The following PALM2AKAP2 variants were observed in gnomAD, a reference collection of about 807,000 sequenced individuals.
PALM2AKAP2 encodes the protein PALM2 and AKAP2 fusion, also known as PALM2-AKAP2 fusion protein.
In PALM2AKAP2, 37 loss-of-function variants were observed where a neutral mutation model predicts 71.5. The observed-to-expected ratio is 0.52, with a 90% confidence interval of 0.40 to 0.68. The LOEUF (loss-of-function observed/expected upper bound fraction) is 0.68, where lower values mean the gene tolerates loss of function less well. Ranked by LOEUF, PALM2AKAP2 falls within the 30% of genes least tolerant of loss-of-function variation. The pLI, the probability that PALM2AKAP2 is intolerant of heterozygous loss-of-function variation, is 0.00. For synonymous variants in PALM2AKAP2, 468 were observed against 478.8 expected (o/e 0.98, Z 0.29); for missense variants, 1,224 against 1,191.8 (o/e 1.03, Z -0.40).
upstream of PALM2AKAP2, among the ~76,000 whole-genome samples, chr9:110,045,116 G>A (rs1403104977): frequency 6.6e-6 from 1 of 151,972 alleles, no homozygotes; most frequent in African/African-American, 2.4e-5. Flanking sequence ...CATGGGAGAG[G>A]CAAAGTGAGT....
chr9:109,954,422 G>T (rs1831705552), intron 6 of PALM2AKAP2, among the ~76,000 whole-genome samples: 1 of 146,152 alleles, frequency 6.8e-6, no homozygotes, highest in Non-Finnish European at 1.5e-5. Flanking sequence ...ATTAAATCTT[G>T]CATTTTATCA....
At chr9:109,670,874 T>C (rs963087872) in intron 1 of PALM2AKAP2, among the ~76,000 whole-genome samples, 21 of 152,224 alleles carry the variant, frequency 1.4e-4, no homozygotes, top group Admixed American at 8.5e-4. Context: ...TAATCAGTGA[T>C]GTTGAGCCTT....
intron 3 of PALM2AKAP2, among the ~76,000 whole-genome samples, chr9:109,907,316 C>A (rs1830467984): frequency 6.6e-6 from 1 of 152,216 alleles, no homozygotes; most frequent in Non-Finnish European, 1.5e-5. Flanking sequence ...CCAACACTTG[C>A]TTGATAATGC....
At chr9:110,045,809 C>T (rs1363201526), upstream of PALM2AKAP2, among the ~76,000 whole-genome samples, 1 of 152,112 alleles carries the variant, frequency 6.6e-6, no homozygotes, top group African/African-American at 2.4e-5. Flanking sequence ...ACCTCGTGAT[C>T]CACCCACCTC....
intron 1 of PALM2AKAP2, among the ~76,000 whole-genome samples, chr9:109,807,736 G>A (rs370193958): frequency 2.6e-5 from 4 of 152,128 alleles, no homozygotes; most frequent in African/African-American, 9.7e-5. Flanking sequence ...TTCACCCCCT[G>A]ATATGGTTTA....
At chr9:109,841,898 TTGGAAGGATAGAGGGGAGGGTGGAAGG>T (rs1828700956) in intron 1 of PALM2AKAP2, among the ~76,000 whole-genome samples, 1 of 58,560 alleles carries the variant, frequency 1.7e-5, no homozygotes, top group Non-Finnish European at 3.3e-5. Context: ...AGAGGAGAAG[TTGGAAGGATAGAGGGGAGGGTGGAAGG>T]GTAGAGGGGA....
intron 1 of PALM2AKAP2, among the ~76,000 whole-genome samples, chr9:110,107,466 G>A (rs1187521289): frequency 6.6e-6 from 1 of 152,190 alleles, no homozygotes; most frequent in Non-Finnish European, 1.5e-5. Flanking sequence ...GATGATAATA[G>A]TTTTCTTTCT....
At chr9:110,158,129 T>C (rs1836503646) in intron 3 of PALM2AKAP2, among the ~76,000 whole-genome samples, 1 of 152,222 alleles carries the variant, frequency 6.6e-6, no homozygotes, top group South Asian at 2.1e-4. Context: ...GCAGCTCCTT[T>C]CGTGAGCCTG....
chr9:110,103,434 C>G (rs1320271748), intron 1 of PALM2AKAP2, among the ~76,000 whole-genome samples: 2 of 152,182 alleles, frequency 1.3e-5, no homozygotes, highest in Non-Finnish European at 2.9e-5. Context: ...GCTTACATTT[C>G]TTAGTGGTGG....
chr9:109,860,884 G>A lies in PALM2AKAP2; in HGVS notation c.46-6607G>A, dbSNP rs562412958. Among the ~76,000 whole-genome samples, 7 of 152,260 alleles carry A rather than the reference G, an allele frequency of 4.6e-5. No individual in the cohort carries two copies. In the South Asian group the frequency reaches 1.2e-3, roughly 27 times the overall value. Reference sequence around the variant, plus strand: ...CAAAAAGTCACTTAAAAGGTTTGGGGCAAGGAAACAAGATTCCCTTTAGCT... The same window carrying A: ...CAAAAAGTCACTTAAAAGGTTTGGGACAAGGAAACAAGATTCCCTTTAGCT... On this transcript the variant is annotated intron_variant, in intron 1 of 9. Transcript: ENST00000302798.
Position 109,965,128 on chromosome 9 carries a change from C to T in PALM2AKAP2, c.496+33100C>T, listed in dbSNP as rs112446533. Among the ~76,000 whole-genome samples, 914 of 152,308 alleles carry T rather than the reference C, an allele frequency of 6.0e-3. 6 individuals are homozygous for T. Among genetic ancestry groups the T allele is most frequent in the African/African-American group, 0.021 (869 of 41,554 alleles). On this transcript the variant is annotated intron_variant, in intron 6 of 9. Transcript: ENST00000302798. ...GAAAACAGTATTTATAAGCCCTAGACACATGGCCCTGGAAAAGTCACTTAA... is the reference window on the plus strand; with the variant it reads ...GAAAACAGTATTTATAAGCCCTAGATACATGGCCCTGGAAAAGTCACTTAA...
At chr9:110,162,028 G>A in intron 3 of PALM2AKAP2, 66 bp from the exon 10 acceptor site, 1 of 1,588,236 alleles carries the variant, frequency 6.3e-7, no homozygotes, top group Non-Finnish European at 8.6e-7. Flanking sequence ...CCTGTTCCCG[G>A]CTAGGGGGTG....
chr9:109,670,709 T>G (rs994992293), intron 1 of PALM2AKAP2, among the ~76,000 whole-genome samples: 2 of 152,192 alleles, frequency 1.3e-5, no homozygotes, highest in Non-Finnish European at 2.9e-5. Context: ...TCTTCCACGA[T>G]GGTTGAACTA....
intron 1 of PALM2AKAP2, among the ~76,000 whole-genome samples, chr9:109,757,975 A>T (rs939934572): frequency 2.0e-5 from 3 of 151,744 alleles, no homozygotes; most frequent in African/African-American, 2.4e-5. Flanking sequence ...ACCCATCCTA[A>T]CCCCCTCCCA....
At chr9:110,048,305 C>A (rs1296298310), upstream of PALM2AKAP2, among the ~76,000 whole-genome samples, 1 of 152,086 alleles carries the variant, frequency 6.6e-6, no homozygotes. Context: ...TACGCTCATG[C>A]GCACATATGT....
intron 1 of PALM2AKAP2, among the ~76,000 whole-genome samples, chr9:110,109,226 A>G (rs1835182991): frequency 6.7e-6 from 1 of 148,340 alleles, no homozygotes; most frequent in Non-Finnish European, 1.5e-5. Context: ...CTGAGGCAGG[A>G]GAATTGCTTG....
chr9:110,022,754 G>A (rs2132373963), intron 7 of PALM2AKAP2, among the ~76,000 whole-genome samples: 1 of 151,878 alleles, frequency 6.6e-6, no homozygotes, highest in East Asian at 1.9e-4. Context: ...ACAGTCCCCG[G>A]AGTGTGATGT....
intron 1 of PALM2AKAP2, among the ~76,000 whole-genome samples, chr9:109,770,548 A>T (rs996708071): frequency 6.6e-6 from 1 of 152,220 alleles, no homozygotes; most frequent in East Asian, 1.9e-4. Context: ...CATAGTCAAA[A>T]TGTTACAAAA....
At chr9:110,090,173 G>C in intron 1 of PALM2AKAP2, 1 of 326,970 alleles carries the variant, frequency 3.1e-6, no homozygotes, top group Non-Finnish European at 6.2e-6. Context: ...TGCAGCCTGT[G>C]TGCTTCCTGG....
Sources: gnomAD v4.1 joint callset for allele counts (sites outside exome capture counted in the v4.1 genomes callset) on GRCh38, gnomAD v4.1.1 for gene constraint, MANE v1.5 for transcripts, NCBI Gene and HGNC (gene_info 2026-07-23, HGNC 2026-07-21) for gene names.